MARCOL: variants seen among roughly 807,000 people sequenced by gnomAD.
MARCOL encodes the protein MARCO-like protein.
intron 1 of MARCOL, among the ~76,000 whole-genome samples, chr5:148,240,295 A>G (rs1339263330): frequency 6.6e-6 from 1 of 151,910 alleles, no homozygotes; most frequent in East Asian, 1.9e-4. Context: ...AATCTTCATT[A>G]TATTGATTGT....
intron 1 of MARCOL, among the ~76,000 whole-genome samples, chr5:148,240,782 T>TA (rs974205851): frequency 2.0e-5 from 3 of 151,770 alleles, no homozygotes; most frequent in Non-Finnish European, 4.4e-5. Context: ...ATCTCTCAGC[T>TA]AAAAAAAAAT....
chr5:148,240,868 C>T (rs1206219038), intron 1 of MARCOL, among the ~76,000 whole-genome samples: 1 of 151,808 alleles, frequency 6.6e-6, no homozygotes, highest in Non-Finnish European at 1.5e-5. Context: ...AAAAAGGATT[C>T]CACACTCTCT....
intron 1 of MARCOL, among the ~76,000 whole-genome samples, chr5:148,242,103 G>A (rs1218167821): frequency 1.3e-5 from 2 of 152,148 alleles, no homozygotes; most frequent in Non-Finnish European, 2.9e-5. Flanking sequence ...AGTTTATAAT[G>A]AGCATTGAGC....
chr5:148,238,705 G>A, intron 1 of MARCOL, 59 bp downstream of exon 1: 1 of 397,672 alleles, frequency 2.5e-6, no homozygotes, highest in Non-Finnish European at 4.4e-6. Flanking sequence ...AATGAGAAAT[G>A]TTAAGTGATT....
At chr5:148,241,123 C>T (rs550456259) in intron 1 of MARCOL, among the ~76,000 whole-genome samples, 96 of 137,906 alleles carry the variant, frequency 7.0e-4, no homozygotes, top group Non-Finnish European at 1.0e-3. Flanking sequence ...CAATCCATAT[C>T]CACACTATAC....
At chr5:148,240,912 C>T (rs1389975738) in intron 1 of MARCOL, among the ~76,000 whole-genome samples, 1 of 151,938 alleles carries the variant, frequency 6.6e-6, no homozygotes, top group Non-Finnish European at 1.5e-5. Flanking sequence ...GTCTAGTTTA[C>T]TCCTCACGTG....
Position 148,243,519 on chromosome 5 carries a change from C to A in MARCOL, c.*265C>A, listed in dbSNP as rs2113342459. On this transcript the variant is annotated 3_prime_UTR_variant, in exon 2 of 2. Coordinates refer to ENST00000638089, the MANE Select transcript of MARCOL (RefSeq NM_001363511.2). ...AGGGTCATCTGGCCAGGAATGGAAG[C>A]CAGAGCCATCTAGCCATCAGAGAAA... 2.8e-6 allele frequency: 1 copy of A among 356,016 alleles called. No individual in the cohort carries two copies. 22.1% of individuals were successfully genotyped at this position (356,016 alleles called of 1,614,324 possible).
chr5:148,238,919 T>C (rs1755934424), intron 1 of MARCOL, among the ~76,000 whole-genome samples: 1 of 152,052 alleles, frequency 6.6e-6, no homozygotes, highest in Admixed American at 6.6e-5. Context: ...GAAAGATGAA[T>C]TTAGACTAAG....
chr5:148,239,442 C>T (rs561484519), intron 1 of MARCOL, among the ~76,000 whole-genome samples: 7 of 152,036 alleles, frequency 4.6e-5, no homozygotes, highest in African/African-American at 1.7e-4. Flanking sequence ...TCAGACCCCC[C>T]ACTTCTTATA....
chr5:148,243,098 T>C lies in MARCOL; in HGVS notation c.702T>C (p.Ser234=). ...GCCAACAGGAGAAGCCAGGATCTTC[T>C]AGCCAACAGGGGAAGCCAGGGTTGT... ...TSGQQEKPGS[S]SQQGKPGLSS... is the part of the protein sequence containing the mutation. Residue 234 remains serine (S), a synonymous_variant, in exon 2 of 2, where the codon TCT becomes TCC. Transcript: ENST00000638089. 2 of 399,824 alleles carry C rather than the reference T, an allele frequency of 5.0e-6. No homozygotes were observed. The highest frequency in any genetic ancestry group is 6.3e-4 in the Middle Eastern group (1 of 1,590). 24.8% of individuals were successfully genotyped at this position (399,824 alleles called of 1,614,324 possible).
intron 1 of MARCOL, among the ~76,000 whole-genome samples, chr5:148,241,228 A>G (rs1297591263): frequency 6.6e-6 from 1 of 151,916 alleles, no homozygotes; most frequent in Admixed American, 6.6e-5. Flanking sequence ...GTGCATACCA[A>G]TTGACTATCA....
In MARCOL at chr5:148,242,538, C is replaced by T; in HGVS notation, c.142C>T (p.His48Tyr). ...TCTGGAGGAAAAAAATGAAGCTAACCATCTAGGAGGACAAAGAGATTCTAA... is the reference window on the plus strand; with the variant it reads ...TCTGGAGGAAAAAAATGAAGCTAACTATCTAGGAGGACAAAGAGATTCTAA... ...LILEEKNEANHLGGQRDSNKQ... is the reference protein window; with the variant it reads ...LILEEKNEANYLGGQRDSNKQ... The change falls in exon 2 of 2, where the codon CAT (histidine) becomes TAT (tyrosine). Residue 48 changes from histidine (H) to tyrosine (Y), a missense_variant. Transcript: ENST00000638089. The T allele has an allele frequency of 2.5e-6, 1 of 398,234 alleles. No individual in the cohort carries two copies. The highest frequency in any genetic ancestry group is 4.4e-6 in the Non-Finnish European group (1 of 225,888). The allele number at this position is 398,234 out of a possible 1,614,324, so 24.7% of individuals were successfully genotyped here.
intron 1 of MARCOL, among the ~76,000 whole-genome samples, chr5:148,241,663 A>T (rs1440265951): frequency 6.6e-6 from 1 of 152,112 alleles, no homozygotes; most frequent in African/African-American, 2.4e-5. Context: ...AACATAAAAC[A>T]TATACACATA....
At position 148,243,346 on chromosome 5, in the gene MARCOL, A is replaced by C. The variant is rs1755990304; in HGVS notation, c.*92A>C. ...CAAGGGAATCTAGGGTCATCTAGCT[A>C]TCAAGGGAAGCCAGTGTCATCTAGC... On this transcript the variant is annotated 3_prime_UTR_variant, in exon 2 of 2. Coordinates refer to ENST00000638089, the MANE Select transcript of MARCOL (RefSeq NM_001363511.2). 1 of 398,222 alleles carries C rather than the reference A, an allele frequency of 2.5e-6. No homozygotes were observed. The highest frequency in any genetic ancestry group is 1.3e-4 in the South Asian group (1 of 7,790). 24.7% of individuals were successfully genotyped at this position (398,222 alleles called of 1,614,324 possible). A position where few individuals can be genotyped will look rare whatever the true frequency, so the allele number is the denominator to read the frequency against.
chr5:148,241,344 T>A (rs1755962788), intron 1 of MARCOL, among the ~76,000 whole-genome samples: 1 of 151,548 alleles, frequency 6.6e-6, no homozygotes, highest in Non-Finnish European at 1.5e-5. Flanking sequence ...ACATCTGAAA[T>A]AATCAACATT....
chr5:148,242,101 A>G (rs1489617463), intron 1 of MARCOL, among the ~76,000 whole-genome samples: 4 of 152,194 alleles, frequency 2.6e-5, no homozygotes, highest in East Asian at 3.9e-4. Flanking sequence ...TAAGTTTATA[A>G]TGAGCATTGA....
intron 1 of MARCOL, among the ~76,000 whole-genome samples, chr5:148,240,641 T>C (rs764839887): frequency 3.9e-4 from 60 of 151,908 alleles, no homozygotes; most frequent in Non-Finnish European, 7.7e-4. Context: ...AAGTCATTAA[T>C]AAAAATATGT....
chr5:148,243,172 A>G lies in MARCOL; in HGVS notation c.776A>G (p.His259Arg). 1 of 398,592 alleles carries G rather than the reference A, an allele frequency of 2.5e-6. No homozygotes were observed. Among genetic ancestry groups the G allele is most frequent in the Admixed American group, 4.4e-5 (1 of 22,646 alleles). The allele number at this position is 398,592 out of a possible 1,614,324, so 24.7% of individuals were successfully genotyped here. A position where few individuals can be genotyped will look rare whatever the true frequency, so the allele number is the denominator to read the frequency against. Residue 259 changes from histidine to arginine, a missense_variant, in exon 2 of 2, where the codon CAT becomes CGT. Transcript: ENST00000638089. ...PGSSSQQGNL[H>R]LSSQQGNQGP... ...TCATCTAGCCAACAAGGAAATCTAC[A>G]TTTATCTAGCCAGCAAGGGAATCAA...
chr5:148,240,790 A>G (rs1293640004), intron 1 of MARCOL, among the ~76,000 whole-genome samples: 19 of 151,882 alleles, frequency 1.3e-4, no homozygotes, highest in Admixed American at 1.2e-3. Context: ...GCTAAAAAAA[A>G]ATATTTTTTC....
Sources: allele counts gnomAD v4.1 joint callset (sites outside exome capture counted in the v4.1 genomes callset), GRCh38; gene constraint gnomAD v4.1.1; transcripts MANE v1.5; gene names NCBI Gene and HGNC (gene_info 2026-07-23, HGNC 2026-07-21).